Variants in CAMK4 observed in about 807,000 individuals in gnomAD.
CAMK4 encodes calcium/calmodulin dependent protein kinase IV.
In CAMK4, 22 loss-of-function variants were observed where a neutral mutation model predicts 44.9. The ratio of observed to expected loss-of-function variants is 0.49; its 90% CI spans 0.35 to 0.70. The LOEUF (loss-of-function observed/expected upper bound fraction) is 0.70. Ranked by LOEUF, CAMK4 falls within the 30% of genes least tolerant of loss-of-function variation. The pLI is 0.01. For synonymous variants in CAMK4, 218 were observed against 215.4 expected, an observed-to-expected ratio of 1.01 and a Z score of -0.11; for missense variants, 498 against 586.8, an observed-to-expected ratio of 0.85 and a Z score of 1.56.
At chr5:111,396,479 C>T (rs1023869092) in intron 5 of CAMK4, among the ~76,000 whole-genome samples, 2 of 151,962 alleles carry the variant, frequency 1.3e-5, no homozygotes, top group Non-Finnish European at 2.9e-5. Context: ...TCAACTCTTC[C>T]ATTTTCTTAT....
chr5:111,239,255 TGATGC>T (rs1198991880), intron 1 of CAMK4, among the ~76,000 whole-genome samples: 1 of 152,208 alleles, frequency 6.6e-6, no homozygotes, highest in Non-Finnish European at 1.5e-5. Context: ...GAAAAACCTA[TGATGC>T]TTACGATTAA....
At chr5:111,400,810 C>G (rs1752195257) in intron 5 of CAMK4, among the ~76,000 whole-genome samples, 1 of 152,152 alleles carries the variant, frequency 6.6e-6, no homozygotes, top group African/African-American at 2.4e-5. Flanking sequence ...CTAGGTCAGT[C>G]TGGACATTCT....
At chr5:111,366,218 A>G (rs894486600) in intron 2 of CAMK4, among the ~76,000 whole-genome samples, 1 of 152,278 alleles carries the variant, frequency 6.6e-6, no homozygotes, top group South Asian at 2.1e-4. Context: ...AAATAAGTCA[A>G]AGAAGCCAAA....
chr5:111,416,194 T>C (rs1752807623), intron 5 of CAMK4, among the ~76,000 whole-genome samples: 1 of 151,988 alleles, frequency 6.6e-6, no homozygotes. Flanking sequence ...AAAAATTAAA[T>C]AGAAAAGTAA....
At chr5:111,227,916 TCGAGAGCAG>T (rs1379345201) in intron 1 of CAMK4, among the ~76,000 whole-genome samples, 1 of 152,202 alleles carries the variant, frequency 6.6e-6, no homozygotes, top group African/African-American at 2.4e-5. Context: ...CTCCAGATCC[TCGAGAGCAG>T]TTGGTCTTTT....
At chr5:111,308,745 T>C (rs1748056715) in intron 1 of CAMK4, among the ~76,000 whole-genome samples, 1 of 152,208 alleles carries the variant, frequency 6.6e-6, no homozygotes, top group East Asian at 1.9e-4. Flanking sequence ...ACCGGAGCTT[T>C]AGCCCTAAAT....
At chr5:111,409,636 T>G (rs1232646305) in intron 5 of CAMK4, among the ~76,000 whole-genome samples, 1 of 152,244 alleles carries the variant, frequency 6.6e-6, no homozygotes, top group African/African-American at 2.4e-5. Flanking sequence ...AATGGGGTTT[T>G]CTTTTCTATC....
At chr5:111,403,934 G>A (rs182921294) in intron 5 of CAMK4, among the ~76,000 whole-genome samples, 32 of 152,202 alleles carry the variant, frequency 2.1e-4, no homozygotes, top group Non-Finnish European at 3.8e-4. Context: ...GATCGTCTTC[G>A]TTAACTTAAA....
chr5:111,341,413 T>C (rs1749637714), intron 1 of CAMK4, among the ~76,000 whole-genome samples: 1 of 151,224 alleles, frequency 6.6e-6, no homozygotes, highest in African/African-American at 2.4e-5. Flanking sequence ...TTTTTATCTT[T>C]TTACATATGG....
chr5:111,420,787 T>C (rs1752997551), intron 5 of CAMK4, among the ~76,000 whole-genome samples: 1 of 152,246 alleles, frequency 6.6e-6, no homozygotes, highest in African/African-American at 2.4e-5. Context: ...TCCGCCCAGC[T>C]CACCGGCGGT....
intron 4 of CAMK4, among the ~76,000 whole-genome samples, chr5:111,388,103 C>T (rs1305513022): frequency 2.0e-5 from 3 of 152,142 alleles, no homozygotes; most frequent in Admixed American, 2.0e-4. Flanking sequence ...GGGAACAAAG[C>T]TCCTTTTAGC....
chr5:111,490,924 T>C lies in CAMK4; in HGVS notation c.*6458T>C, dbSNP rs1755799202. On this transcript the variant is annotated 3_prime_UTR_variant, in exon 11 of 11. Coordinates refer to ENST00000282356, the MANE Select transcript of CAMK4 (RefSeq NM_001744.6). ...AACATTTTTCAATGTCTTGTGAGTT[T>C]AGTGAGTGGGTACAGCTGAGTTGGG... 2 of 152,324 alleles carry C rather than the reference T, an allele frequency of 1.3e-5. No homozygotes were observed. The highest frequency in any genetic ancestry group is 2.9e-5 in the Non-Finnish European group (2 of 68,032). The allele number at this position is 152,324 out of a possible 1,614,324, so 9.4% of individuals were successfully genotyped here.
chr5:111,366,964 T>G (rs1750815617), intron 2 of CAMK4, among the ~76,000 whole-genome samples: 1 of 151,712 alleles, frequency 6.6e-6, no homozygotes, highest in South Asian at 2.1e-4. Context: ...AAACCCCAGG[T>G]GCCCAATCCA....
In CAMK4 at chr5:111,344,072, G is replaced by C. The variant is rs371545365; in HGVS notation, c.210G>C (p.Lys70Asn). The C allele has an allele frequency of 1.2e-6, 2 of 1,606,664 alleles. No individual in the cohort carries two copies. Among genetic ancestry groups the C allele is most frequent in the Non-Finnish European group, 1.7e-6 (2 of 1,174,074 alleles). Residue 70 changes from lysine (K) to asparagine (N), a missense_variant, in exon 2 of 11, where the codon AAG (lysine) becomes AAC (asparagine). Physicochemically the swap from Lys to Asn is moderately conservative, Grantham distance 94. Transcript: ENST00000282356. ...GATGCAAACAGAAGGGGACCCAGAA[G>C]CCTTATGCTCTCAAAGTGTTAAAGA... ...VYRCKQKGTQ[K>N]PYALKVLKKT...
At chr5:111,390,686 G>C (rs554767826) in intron 4 of CAMK4, among the ~76,000 whole-genome samples, 1 of 152,284 alleles carries the variant, frequency 6.6e-6, no homozygotes, top group African/African-American at 2.4e-5. Flanking sequence ...ATTATGGAAA[G>C]TTAGACATAG....
intron 5 of CAMK4, among the ~76,000 whole-genome samples, chr5:111,425,582 T>G (rs74449867): frequency 6.6e-6 from 1 of 152,218 alleles, no homozygotes; most frequent in Non-Finnish European, 1.5e-5. Context: ...TTGCCCAACT[T>G]TTTTAAGTAC....
chr5:111,418,630 C>T, intron 5 of CAMK4, among the ~76,000 whole-genome samples: 1 of 109,548 alleles, frequency 9.1e-6, no homozygotes, highest in Admixed American at 1.4e-4. Context: ...GTGTGATGTT[C>T]CCCTTCCTGT....
intron 2 of CAMK4, among the ~76,000 whole-genome samples, chr5:111,344,840 CAG>C (rs916288527): frequency 2.0e-5 from 3 of 151,792 alleles, no homozygotes. Context: ...TCTATACCCC[CAG>C]AGAGTATTTT....
intron 5 of CAMK4, among the ~76,000 whole-genome samples, chr5:111,413,857 T>C (rs1008689203): frequency 6.6e-6 from 1 of 151,820 alleles, no homozygotes; most frequent in Non-Finnish European, 1.5e-5. Flanking sequence ...GGGCAAAATA[T>C]AACCCAAAAA....
Sources: gnomAD v4.1 joint callset for allele counts (sites outside exome capture counted in the v4.1 genomes callset) on GRCh38, gnomAD v4.1.1 for gene constraint, MANE v1.5 for transcripts, NCBI Gene and HGNC (gene_info 2026-07-23, HGNC 2026-07-21) for gene names.